The following RNF217 variants were observed in gnomAD, a reference collection of about 807,000 sequenced individuals.
The protein encoded by RNF217 is E3 ubiquitin-protein ligase RNF217.
Under a neutral mutation model 57.8 loss-of-function variants are expected in RNF217, and 31 were observed. That is an observed-to-expected ratio of 0.54 (90% CI 0.40 to 0.72). RNF217 has a LOEUF of 0.72. Among genes scored for constraint, RNF217 ranks in the 30% least tolerant of loss-of-function variants. RNF217 has a pLI of 0.00. For missense variants in RNF217, 696 were observed against 708.3 expected (o/e 0.98, Z 0.20); for synonymous variants, 313 against 294.0 (o/e 1.06, Z -0.66).
chr6:124,972,514 C>A (rs1017977135), intron 1 of RNF217, among the ~76,000 whole-genome samples: 10 of 152,192 alleles, frequency 6.6e-5, no homozygotes, highest in Non-Finnish European at 1.2e-4. Flanking sequence ...AACTTTATAA[C>A]GGTATCTCAT....
At chr6:124,969,837 G>A (rs1236034113) in intron 1 of RNF217, among the ~76,000 whole-genome samples, 1 of 152,092 alleles carries the variant, frequency 6.6e-6, no homozygotes, top group East Asian at 1.9e-4. Flanking sequence ...TGATACTGGG[G>A]AGGGATTTTC....
At chr6:125,025,344 C>A (rs1373388466) in intron 1 of RNF217, among the ~76,000 whole-genome samples, 1 of 152,048 alleles carries the variant, frequency 6.6e-6, no homozygotes, top group Non-Finnish European at 1.5e-5. Context: ...GGACTGGAGA[C>A]CAAGGCACAC....
At chr6:125,005,725 G>A (rs1785154837) in intron 1 of RNF217, among the ~76,000 whole-genome samples, 1 of 152,122 alleles carries the variant, frequency 6.6e-6, no homozygotes, top group African/African-American at 2.4e-5. Context: ...GATTTCATGT[G>A]GTTATTTATT....
At chr6:125,026,470 A>G (rs1158563292) in intron 1 of RNF217, among the ~76,000 whole-genome samples, 2 of 152,206 alleles carry the variant, frequency 1.3e-5, no homozygotes, top group Non-Finnish European at 2.9e-5. Context: ...CATCATTATC[A>G]TTAAGTTTAT....
intron 1 of RNF217, among the ~76,000 whole-genome samples, chr6:125,006,963 A>G (rs932400308): frequency 6.6e-6 from 1 of 152,250 alleles, no homozygotes; most frequent in Non-Finnish European, 1.5e-5. Context: ...AAAGAAAAAA[A>G]GAATGCATGA....
Position 124,963,432 on chromosome 6 carries a change from T to A in RNF217, c.882+6T>A. The A allele has an allele frequency of 6.9e-7, 1 of 1,451,442 alleles. No homozygotes were observed. Among genetic ancestry groups the A allele is most frequent in the East Asian group, 2.5e-5 (1 of 39,932 alleles). The allele number at this position is 1,451,442 out of a possible 1,614,324, so 89.9% of individuals were successfully genotyped here. On this transcript the variant is annotated splice_donor_region_variant and intron_variant, in intron 1 of 5. Transcript: ENST00000521654. ...AAGTCTACCTGAGCGCCCAGGTAACTTCACCCCCTTCTCTTCCCCATTTAT... is the reference window on the plus strand; with the variant it reads ...AAGTCTACCTGAGCGCCCAGGTAACATCACCCCCTTCTCTTCCCCATTTAT...
At chr6:125,064,148 GCTGA>G (rs1164484110) in intron 3 of RNF217, among the ~76,000 whole-genome samples, 4 of 152,042 alleles carry the variant, frequency 2.6e-5, no homozygotes, top group Non-Finnish European at 4.4e-5. Context: ...ACATTCAGAG[GCTGA>G]CTACTTTCAA....
intron 1 of RNF217, among the ~76,000 whole-genome samples, chr6:125,004,688 G>A (rs529521290): frequency 2.6e-5 from 4 of 152,208 alleles, no homozygotes; most frequent in African/African-American, 9.6e-5. Flanking sequence ...TTGTTGAAAG[G>A]GAAAGTTAAA....
At chr6:125,026,850 A>T (rs1051692804) in intron 1 of RNF217, among the ~76,000 whole-genome samples, 1 of 152,166 alleles carries the variant, frequency 6.6e-6, no homozygotes, top group Non-Finnish European at 1.5e-5. Context: ...AATTAAAATG[A>T]ACTGTGATAT....
Position 125,076,648 on chromosome 6 carries a change from C to G in RNF217, c.1282-9C>G. ...TCTTTCCTTCTCCTTCCCTCTCTTG[C>G]TGATACAGATCCACATCCAGCGAAC... On this transcript the variant is annotated splice_polypyrimidine_tract_variant and intron_variant, in intron 3 of 5. Transcript: ENST00000521654. 1 of 1,599,078 alleles carries G rather than the reference C, an allele frequency of 6.3e-7. No homozygotes were observed. Among genetic ancestry groups the G allele is most frequent in the Non-Finnish European group, 8.6e-7 (1 of 1,166,610 alleles).
rs1416908270 is a variant in RNF217 at position 125,089,141 on chromosome 6, G to A, written c.*6204G>A. 6.6e-6 allele frequency: 1 copy of A among 152,266 alleles called. No homozygotes were observed. The highest frequency in any genetic ancestry group is 2.4e-5 in the African/African-American group (1 of 41,464). 9.4% of individuals were successfully genotyped at this position (152,266 alleles called of 1,614,324 possible). On this transcript the variant is annotated 3_prime_UTR_variant, in exon 6 of 6. Coordinates refer to ENST00000521654, the MANE Select transcript of RNF217 (RefSeq NM_001286398.3). ...CCTGGAACACTTTTCCCTCTTGATA[G>A]GAGTTGGAGAACACTGCCTAGCCCT... is the stretch of plus-strand genomic sequence containing the variant.
At chr6:125,008,047 T>C (rs539475303) in intron 1 of RNF217, among the ~76,000 whole-genome samples, 7 of 151,922 alleles carry the variant, frequency 4.6e-5, no homozygotes, top group Admixed American at 4.6e-4. Context: ...ACGAGGTCAG[T>C]AGATCAAGAC....
At chr6:124,974,316 A>T (rs566557319) in intron 1 of RNF217, among the ~76,000 whole-genome samples, 1 of 152,304 alleles carries the variant, frequency 6.6e-6, no homozygotes, top group Admixed American at 6.5e-5. Context: ...TTTTTTAAAA[A>T]ATTTTGTCTT....
intron 1 of RNF217, among the ~76,000 whole-genome samples, chr6:125,020,319 T>C (rs1219152850): frequency 1.3e-5 from 2 of 152,168 alleles, no homozygotes; most frequent in African/African-American, 4.8e-5. Flanking sequence ...CTATGAGAAG[T>C]ATATGATCCA....
Position 124,974,388 on chromosome 6 carries a change from T to G in RNF217, c.882+10962T>G, listed in dbSNP as rs183560301. ...TTCTATTGGTAAATAACTTTGGTGG[T>G]GTGTTTTTTGTGCTTTATCTTTAAA... On this transcript the variant is annotated intron_variant, in intron 1 of 5. Coordinates refer to ENST00000521654, the MANE Select transcript of RNF217 (RefSeq NM_001286398.3). Among the ~76,000 whole-genome samples the G allele has an allele frequency of 3.3e-3, 509 of 152,332 alleles. 1 individual carries two copies. Among genetic ancestry groups the G allele is most frequent in the Admixed American group, 5.0e-3 (77 of 15,306 alleles).
rs375132115 is a variant in RNF217 at position 125,087,367 on chromosome 6, G to C, written c.*4430G>C. 2 of 152,078 alleles carry C rather than the reference G, an allele frequency of 1.3e-5. No individual in the cohort carries two copies. The highest frequency in any genetic ancestry group is 1.9e-4 in the East Asian group (1 of 5,174). The allele number at this position is 152,078 out of a possible 1,614,324, so 9.4% of individuals were successfully genotyped here. ...AAGCCTTAATGTGAGTCTTCACATT[G>C]GATTATATTTTTATTCTCCCATATT... On this transcript the variant is annotated 3_prime_UTR_variant, in exon 6 of 6. Transcript: ENST00000521654.
intron 1 of RNF217, among the ~76,000 whole-genome samples, chr6:125,011,665 A>G (rs9388398): frequency 0.53 from 81,185 of 152,046 alleles, 24,754 homozygotes; most frequent in East Asian, 0.75. Flanking sequence ...ATGAGAGAGC[A>G]AGGAGTGTCA....
chr6:124,968,922 G>T (rs563829783), intron 1 of RNF217, among the ~76,000 whole-genome samples: 92 of 152,094 alleles, frequency 6.0e-4, no homozygotes, highest in Admixed American at 1.6e-3. Context: ...ACATTTATTG[G>T]GGTACCTGTA....
intron 1 of RNF217, among the ~76,000 whole-genome samples, chr6:125,032,768 A>T (rs564821279): frequency 2.0e-5 from 3 of 152,274 alleles, no homozygotes; most frequent in Non-Finnish European, 2.9e-5. Flanking sequence ...AAAAATTTGC[A>T]TAAGAGGATA....
Sources: allele counts gnomAD v4.1 joint callset (sites outside exome capture counted in the v4.1 genomes callset), GRCh38; gene constraint gnomAD v4.1.1; transcripts MANE v1.5; gene names NCBI Gene and HGNC (gene_info 2026-07-23, HGNC 2026-07-21).